The following PLXDC2 variants were observed in gnomAD, a reference collection of about 807,000 sequenced individuals.
PLXDC2 encodes plexin domain-containing protein 2.
PLXDC2 carries 40 observed loss-of-function variants against 68.9 expected under a neutral mutation model. That is an observed-to-expected ratio of 0.58 (90% CI 0.45 to 0.76). PLXDC2 has a LOEUF of 0.76. PLXDC2 is among the 30% of genes least tolerant of loss of function. PLXDC2 has a pLI of 0.00. For synonymous variants in PLXDC2, 243 were observed against 234.2 expected (o/e 1.04, Z -0.34); for missense variants, 644 against 661.9 (o/e 0.97, Z 0.30).
intron 13 of PLXDC2, among the ~76,000 whole-genome samples, chr10:20,248,395 C>G (rs1835628756): frequency 6.6e-6 from 1 of 152,160 alleles, no homozygotes; most frequent in African/African-American, 2.4e-5. Context: ...GTTCTATACT[C>G]TCCTAACACA....
At chr10:20,263,235 C>G (rs1302559607) in intron 13 of PLXDC2, among the ~76,000 whole-genome samples, 3 of 152,176 alleles carry the variant, frequency 2.0e-5, no homozygotes, top group Non-Finnish European at 4.4e-5. Flanking sequence ...TTTGACAAAG[C>G]TGATAAAAAT....
intron 1 of PLXDC2, among the ~76,000 whole-genome samples, chr10:19,847,239 T>G (rs1164498123): frequency 2.0e-5 from 3 of 152,206 alleles, no homozygotes; most frequent in Admixed American, 2.0e-4. Context: ...TTGTATAAAG[T>G]GTTTGAATGT....
At chr10:20,075,315 A>G (rs1004411313) in intron 4 of PLXDC2, among the ~76,000 whole-genome samples, 9 of 152,062 alleles carry the variant, frequency 5.9e-5, no homozygotes, top group African/African-American at 9.7e-5. Context: ...CAGCTCCCCA[A>G]ATAGCTGGGA....
At chr10:20,051,270 G>A (rs1280186824) in intron 3 of PLXDC2, among the ~76,000 whole-genome samples, 1 of 151,480 alleles carries the variant, frequency 6.6e-6, no homozygotes, top group Admixed American at 6.6e-5. Flanking sequence ...GAGCAGAAAA[G>A]GTAACAATTG....
At position 20,283,370 on chromosome 10, in the gene PLXDC2, C is replaced by T. The variant is rs1836106359; in HGVS notation, c.*3551C>T. On this transcript the variant is annotated 3_prime_UTR_variant, in exon 14 of 14. Coordinates refer to ENST00000377252, the MANE Select transcript of PLXDC2 (RefSeq NM_032812.9). ...CAACCTGATTAAATGTACAGATGTG[C>T]AGACTCTTAAAAACCTTATGTTAAT... The T allele has an allele frequency of 1.3e-5, 2 of 152,172 alleles. No individual in the cohort carries two copies. The highest frequency in any genetic ancestry group is 1.3e-4 in the Admixed American group (2 of 15,274). 9.4% of individuals were successfully genotyped at this position (152,172 alleles called of 1,614,324 possible).
intron 9 of PLXDC2, among the ~76,000 whole-genome samples, chr10:20,192,763 T>C (rs549012768): frequency 3.9e-5 from 6 of 152,184 alleles, no homozygotes; most frequent in African/African-American, 1.4e-4. Context: ...ACTTCAGACA[T>C]TTAAGATTTT....
chr10:20,010,628 G>A (rs1589584039), intron 2 of PLXDC2, among the ~76,000 whole-genome samples: 1 of 152,136 alleles, frequency 6.6e-6, no homozygotes, highest in African/African-American at 2.4e-5. Context: ...TATAGTTATG[G>A]CATGAAAATA....
At position 19,975,193 on chromosome 10, in the gene PLXDC2, G is replaced by A. The variant is rs557319366; in HGVS notation, c.113-26582G>A. On this transcript the variant is annotated intron_variant, in intron 1 of 13. Coordinates refer to ENST00000377252, the MANE Select transcript of PLXDC2 (RefSeq NM_032812.9). ...CAGAAGGCCTGGCGCAGTGGCTCAC[G>A]CCTGTAATCCCAGCACTTTGGGAGG... 5.9e-5 allele frequency among the ~76,000 whole-genome samples: 9 copies of A among 152,190 alleles called. No individual in the cohort carries two copies. In the East Asian group the frequency reaches 1.4e-3, roughly 23 times the overall value.
At chr10:20,065,405 G>C (rs1217265986) in intron 3 of PLXDC2, among the ~76,000 whole-genome samples, 1 of 152,126 alleles carries the variant, frequency 6.6e-6, no homozygotes, top group Non-Finnish European at 1.5e-5. Context: ...TTTCAAGTGG[G>C]GGAGTGATAT....
At chr10:20,125,374 A>G (rs755539498) in intron 4 of PLXDC2, among the ~76,000 whole-genome samples, 13 of 152,182 alleles carry the variant, frequency 8.5e-5, no homozygotes, top group Non-Finnish European at 1.3e-4. Flanking sequence ...TGGATGGTGT[A>G]TTTGAAGTGG....
intron 1 of PLXDC2, among the ~76,000 whole-genome samples, chr10:19,842,807 C>G (rs1005237921): frequency 6.6e-6 from 1 of 152,064 alleles, no homozygotes; most frequent in African/African-American, 2.4e-5. Flanking sequence ...CTTGTGAATT[C>G]TTATTAATAT....
chr10:20,237,013 A>T (rs1318300821), intron 12 of PLXDC2, among the ~76,000 whole-genome samples: 3 of 149,752 alleles, frequency 2.0e-5, no homozygotes, highest in Admixed American at 6.6e-5. Flanking sequence ...TTTTTTTTTT[A>T]AAGGATAGTC....
chr10:19,937,555 T>TATATATATATATATATAC (rs1833745419), intron 1 of PLXDC2, among the ~76,000 whole-genome samples: 3 of 73,400 alleles, frequency 4.1e-5, no homozygotes, highest in African/African-American at 1.7e-4. Context: ...TATATATATA[T>TATATATATATATATATAC]ATATATATAT....
At chr10:20,202,397 C>A (rs1179956883) in intron 9 of PLXDC2, among the ~76,000 whole-genome samples, 1 of 152,166 alleles carries the variant, frequency 6.6e-6, no homozygotes, top group Non-Finnish European at 1.5e-5. Context: ...CCACCTGATG[C>A]AGGTGAAACT....
At chr10:20,081,155 G>A (rs1836549899) in intron 4 of PLXDC2, among the ~76,000 whole-genome samples, 1 of 152,178 alleles carries the variant, frequency 6.6e-6, no homozygotes, top group Admixed American at 6.5e-5. Context: ...CTAGCTGGGG[G>A]AAAGTCATTT....
At chr10:19,928,749 CTTTTTTTTT>C (rs796581734) in intron 1 of PLXDC2, among the ~76,000 whole-genome samples, 16 of 105,188 alleles carry the variant, frequency 1.5e-4, no homozygotes, top group African/African-American at 5.4e-4. Flanking sequence ...GAAGATAGGA[CTTTTTTTTT>C]TTTTTTTTTT....
chr10:20,255,516 A>AT (rs1324850080), intron 13 of PLXDC2, among the ~76,000 whole-genome samples: 5 of 152,164 alleles, frequency 3.3e-5, no homozygotes, highest in Admixed American at 2.6e-4. Context: ...AAAAACTTTA[A>AT]TTTTAGCAAT....
chr10:20,086,356 T>G, intron 4 of PLXDC2, among the ~76,000 whole-genome samples: 1 of 141,248 alleles, frequency 7.1e-6, no homozygotes, highest in East Asian at 2.0e-4. Flanking sequence ...TTTTATTTAT[T>G]TTTTAATTTT....
chr10:20,137,429 G>A (rs561017567), intron 4 of PLXDC2, among the ~76,000 whole-genome samples: 2 of 152,164 alleles, frequency 1.3e-5, no homozygotes, highest in Admixed American at 6.5e-5. Context: ...ATCGCATCGT[G>A]TGTGATTCCT....
Sources: allele counts gnomAD v4.1 joint callset (sites outside exome capture counted in the v4.1 genomes callset), GRCh38; gene constraint gnomAD v4.1.1; transcripts MANE v1.5; gene names NCBI Gene and HGNC (gene_info 2026-07-23, HGNC 2026-07-21).